The following PEBP4 variants were observed in gnomAD, a reference collection of about 807,000 sequenced individuals.
PEBP4 encodes the protein phosphatidylethanolamine-binding protein 4.
Under a neutral mutation model 23.9 loss-of-function variants are expected in PEBP4, and 22 were observed. The observed-to-expected ratio is 0.92, with a 90% CI of 0.66 to 1.31. PEBP4 has a LOEUF of 1.31. PEBP4 is among the 40% of genes most tolerant of loss of function. PEBP4 has a pLI of 0.00. For synonymous variants in PEBP4, 112 were observed against 99.3 expected (o/e 1.13, Z -0.76); for missense variants, 324 against 281.7 (o/e 1.15, Z -1.07).
chr8:22,857,198 C>G (rs181676666), intron 3 of PEBP4, among the ~76,000 whole-genome samples: 1 of 151,156 alleles, frequency 6.6e-6, no homozygotes, highest in East Asian at 1.9e-4. Context: ...CTGGGTAGTC[C>G]AAATTTTTAT....
chr8:22,934,252 T>C (rs1172608961), intron 1 of PEBP4, among the ~76,000 whole-genome samples: 1 of 152,166 alleles, frequency 6.6e-6, no homozygotes, highest in East Asian at 1.9e-4. Context: ...AAAATAATTA[T>C]AAATCTTTGT....
chr8:22,732,455 C>A (rs141036002), intron 4 of PEBP4, among the ~76,000 whole-genome samples: 1 of 152,064 alleles, frequency 6.6e-6, no homozygotes, highest in Non-Finnish European at 1.5e-5. Flanking sequence ...CTAACGCACA[C>A]GGAACTTAAT....
At chr8:22,936,097 G>C (rs1389801578) in intron 1 of PEBP4, among the ~76,000 whole-genome samples, 1 of 148,824 alleles carries the variant, frequency 6.7e-6, no homozygotes, top group Non-Finnish European at 1.5e-5. Flanking sequence ...ACATAAAATA[G>C]AGAACAGAAA....
chr8:22,777,084 G>T (rs1805828992), intron 4 of PEBP4, among the ~76,000 whole-genome samples: 1 of 152,060 alleles, frequency 6.6e-6, no homozygotes, highest in African/African-American at 2.4e-5. Flanking sequence ...AGAGAAGCAG[G>T]TGGTGTGGGT....
intron 2 of PEBP4, among the ~76,000 whole-genome samples, chr8:22,921,080 C>G (rs1329764831): frequency 6.6e-6 from 1 of 152,222 alleles, no homozygotes; most frequent in Admixed American, 6.5e-5. Flanking sequence ...CAGGGCAGGC[C>G]GGGCTGGGCC....
At chr8:22,760,571 AG>A (rs886874849) in intron 4 of PEBP4, among the ~76,000 whole-genome samples, 4 of 150,150 alleles carry the variant, frequency 2.7e-5, no homozygotes, top group African/African-American at 7.5e-5. Flanking sequence ...GGAGGATGGC[AG>A]GGGGGGCAGT....
chr8:22,768,671 GGCCA>G (rs1220153524), intron 4 of PEBP4, among the ~76,000 whole-genome samples: 2 of 152,114 alleles, frequency 1.3e-5, no homozygotes, highest in African/African-American at 4.8e-5. Context: ...GGTTCAGGGA[GGCCA>G]GCTGGGTGCT....
intron 4 of PEBP4, among the ~76,000 whole-genome samples, chr8:22,784,087 G>T (rs1232582333): frequency 6.6e-6 from 1 of 152,188 alleles, no homozygotes; most frequent in Non-Finnish European, 1.5e-5. Context: ...CGTAGGAGGA[G>T]CCTGGGGACA....
intron 4 of PEBP4, among the ~76,000 whole-genome samples, chr8:22,796,253 TGTGC>T (rs1403124998): frequency 2.5e-5 from 2 of 81,494 alleles, no homozygotes; most frequent in South Asian, 4.9e-4. Context: ...AATTCTCAAG[TGTGC>T]GTGTGTGTGT....
chr8:22,903,998 T>C (rs1808759420), intron 3 of PEBP4, among the ~76,000 whole-genome samples: 1 of 152,264 alleles, frequency 6.6e-6, no homozygotes, highest in Admixed American at 6.5e-5. Context: ...TGAGTTCCTG[T>C]CTTTGTTCAT....
At chr8:22,877,237 C>T (rs1002056336) in intron 3 of PEBP4, among the ~76,000 whole-genome samples, 13 of 152,192 alleles carry the variant, frequency 8.5e-5, no homozygotes, top group Admixed American at 8.5e-4. Context: ...TGTCCAGTCT[C>T]TCCCTGTCCT....
chr8:22,878,402 A>C (rs1391204142), intron 3 of PEBP4, among the ~76,000 whole-genome samples: 1 of 152,068 alleles, frequency 6.6e-6, no homozygotes, highest in Non-Finnish European at 1.5e-5. Context: ...GCTCAGTGGG[A>C]GGGCTCTGAG....
intron 3 of PEBP4, among the ~76,000 whole-genome samples, chr8:22,882,629 G>A (rs1044198664): frequency 1.3e-5 from 2 of 152,202 alleles, no homozygotes; most frequent in African/African-American, 2.4e-5. Flanking sequence ...TTTTTATTCT[G>A]TAATTTTTGT....
chr8:22,770,270 G>C (rs540728068), intron 4 of PEBP4, among the ~76,000 whole-genome samples: 1 of 152,220 alleles, frequency 6.6e-6, no homozygotes, highest in African/African-American at 2.4e-5. Context: ...AGCTGTGGGA[G>C]GTGGCCCTGG....
intron 3 of PEBP4, among the ~76,000 whole-genome samples, chr8:22,907,083 T>C (rs1808832364): frequency 6.6e-6 from 1 of 151,992 alleles, no homozygotes; most frequent in South Asian, 2.1e-4. Flanking sequence ...ACATGAGTTA[T>C]GAAGCTATGA....
chr8:22,765,583 A>G (rs993080792), intron 4 of PEBP4, among the ~76,000 whole-genome samples: 1 of 152,236 alleles, frequency 6.6e-6, no homozygotes, highest in African/African-American at 2.4e-5. Flanking sequence ...ATGCTGCCAA[A>G]GCTAGCATAA....
rs975187008 is a variant in PEBP4 at position 22,938,615 on chromosome 8, C to G, written c.145-10895G>C. Reference sequence around the variant, plus strand: ...CCACCAGTACAGTGCCTGGGACCAGCAGGTGCTCCATTACCCCTCGGGGAT... The same window carrying G: ...CCACCAGTACAGTGCCTGGGACCAGGAGGTGCTCCATTACCCCTCGGGGAT... On this transcript the variant is annotated intron_variant, in intron 1 of 1. Transcript: ENST00000522278. Among the ~76,000 whole-genome samples, 2 of 152,146 alleles carry G rather than the reference C, an allele frequency of 1.3e-5. 1 individual carries two copies. The highest frequency in any genetic ancestry group is 4.1e-4 in the South Asian group (2 of 4,820).
At chr8:22,741,106 G>A (rs1429670143) in intron 4 of PEBP4, among the ~76,000 whole-genome samples, 2 of 152,250 alleles carry the variant, frequency 1.3e-5, no homozygotes, top group East Asian at 1.9e-4. Context: ...GAGGGTGCGG[G>A]GCAGCCCCGG....
intron 4 of PEBP4, among the ~76,000 whole-genome samples, chr8:22,776,768 C>A (rs1367218535): frequency 1.4e-5 from 2 of 146,514 alleles, no homozygotes; most frequent in Admixed American, 6.9e-5. Flanking sequence ...GTTGGTAAGC[C>A]ATTTTTTTCT....
Sources: allele counts gnomAD v4.1 joint callset (sites outside exome capture counted in the v4.1 genomes callset), GRCh38; gene constraint gnomAD v4.1.1; transcripts MANE v1.5; gene names NCBI Gene and HGNC (gene_info 2026-07-23, HGNC 2026-07-21).